The following KLHL1 variants were observed in gnomAD, a reference collection of about 807,000 sequenced individuals.
KLHL1 encodes kelch-like protein 1.
KLHL1 carries 47 observed loss-of-function variants against 77.7 expected under a neutral mutation model. The observed-to-expected ratio is 0.60, with a 90% CI of 0.48 to 0.77. The LOEUF (loss-of-function observed/expected upper bound fraction) is 0.77, where lower values mean the gene tolerates loss of function less well. Ranked by LOEUF, KLHL1 falls within the 30% of genes least tolerant of loss-of-function variation. The probability of loss-of-function intolerance (pLI) is 0.00; values close to 1 mark genes in which losing one functional copy is unlikely to be tolerated. For synonymous variants in KLHL1, 360 were observed against 325.2 expected (o/e 1.11, Z -1.15); for missense variants, 925 against 910.8 (o/e 1.02, Z -0.20).
chr13:70,055,777 C>T (rs1176672356), intron 1 of KLHL1, among the ~76,000 whole-genome samples: 2 of 151,782 alleles, frequency 1.3e-5, no homozygotes, highest in Non-Finnish European at 2.9e-5. Flanking sequence ...ATTTTGTTTG[C>T]AAGTCACATT....
intron 4 of KLHL1, among the ~76,000 whole-genome samples, chr13:69,903,929 C>T (rs1019935279): frequency 2.6e-5 from 4 of 151,570 alleles, no homozygotes; most frequent in East Asian, 1.9e-4. Flanking sequence ...CGTGAGCCAC[C>T]GCGCCCGGCC....
intron 5 of KLHL1, among the ~76,000 whole-genome samples, chr13:69,878,537 TC>T (rs1356924582): frequency 6.6e-6 from 1 of 152,134 alleles, no homozygotes; most frequent in Non-Finnish European, 1.5e-5. Context: ...GACTCTTGCC[TC>T]CTTTAAATAT....
intron 7 of KLHL1, among the ~76,000 whole-genome samples, chr13:69,775,155 A>G (rs1326292082): frequency 2.6e-5 from 4 of 152,170 alleles, no homozygotes. Flanking sequence ...TACAGGCAGG[A>G]CTAAGTGCCT....
At chr13:69,930,301 T>C (rs1294681130) in intron 4 of KLHL1, among the ~76,000 whole-genome samples, 1 of 151,884 alleles carries the variant, frequency 6.6e-6, no homozygotes, top group Admixed American at 6.6e-5. Flanking sequence ...TTCATCAAGG[T>C]ATTTTTTATT....
rs568616527 is a variant in KLHL1 at position 70,058,486 on chromosome 13, A to C, written c.497+48717T>G. On this transcript the variant is annotated intron_variant, in intron 1 of 10. Coordinates refer to ENST00000377844, the MANE Select transcript of KLHL1 (RefSeq NM_020866.3). ...TACTAATCCCACATATAGTAGCCAC[A>C]AATAAAATACTTATGAATAAACTTA... Among the ~76,000 whole-genome samples, 3 of 152,344 alleles carry C rather than the reference A, an allele frequency of 2.0e-5. No individual in the cohort carries two copies. The South Asian group carries it at 6.2e-4, about 32-fold the overall frequency.
intron 1 of KLHL1, among the ~76,000 whole-genome samples, chr13:70,059,044 A>T (rs564312016): frequency 6.6e-6 from 1 of 152,304 alleles, no homozygotes; most frequent in African/African-American, 2.4e-5. Context: ...ATCTCTCACC[A>T]TATATTAAAA....
intron 1 of KLHL1, among the ~76,000 whole-genome samples, chr13:70,102,148 T>C (rs1265103508): frequency 6.6e-6 from 1 of 152,116 alleles, no homozygotes; most frequent in Non-Finnish European, 1.5e-5. Context: ...GCAGAGATGA[T>C]TATTGTTTTA....
At chr13:69,721,785 G>C (rs184983443) in intron 8 of KLHL1, among the ~76,000 whole-genome samples, 1 of 151,986 alleles carries the variant, frequency 6.6e-6, no homozygotes, top group East Asian at 1.9e-4. Context: ...CCCTTGATGC[G>C]TGTAATACCT....
intron 5 of KLHL1, among the ~76,000 whole-genome samples, chr13:69,877,979 G>A (rs1396319100): frequency 6.6e-6 from 1 of 152,144 alleles, no homozygotes; most frequent in Non-Finnish European, 1.5e-5. Flanking sequence ...ACATGGGAGG[G>A]CAGAAATGAT....
chr13:69,744,937 C>A (rs1243383185), intron 7 of KLHL1, among the ~76,000 whole-genome samples: 2 of 151,956 alleles, frequency 1.3e-5, no homozygotes, highest in Non-Finnish European at 2.9e-5. Context: ...GCAATGTACA[C>A]TTTCTTGATG....
intron 4 of KLHL1, among the ~76,000 whole-genome samples, chr13:69,924,623 C>T (rs988529105): frequency 3.9e-5 from 6 of 152,250 alleles, no homozygotes; most frequent in East Asian, 1.9e-4. Context: ...TTCCTGGGCA[C>T]GGGACAAGAA....
intron 9 of KLHL1, among the ~76,000 whole-genome samples, chr13:69,712,595 T>C (rs1875927965): frequency 6.6e-6 from 1 of 152,092 alleles, no homozygotes; most frequent in Non-Finnish European, 1.5e-5. Flanking sequence ...ATAATAAGCC[T>C]TTATATATAG....
intron 3 of KLHL1, among the ~76,000 whole-genome samples, chr13:69,959,557 T>TAAA (rs35521937): frequency 6.9e-6 from 1 of 144,958 alleles, no homozygotes. Context: ...GACTACTCAT[T>TAAA]AAAAAAAAAA....
At chr13:70,067,548 A>T (rs1482337056) in intron 1 of KLHL1, among the ~76,000 whole-genome samples, 1 of 152,138 alleles carries the variant, frequency 6.6e-6, no homozygotes, top group Non-Finnish European at 1.5e-5. Context: ...GGTTCAAATA[A>T]GGCAGATCAT....
chr13:69,703,601 CTG>C (rs1875497736), intron 10 of KLHL1, among the ~76,000 whole-genome samples: 1 of 151,566 alleles, frequency 6.6e-6, no homozygotes, highest in African/African-American at 2.4e-5. Flanking sequence ...ACTCATGACT[CTG>C]TCACTGACTC....
At chr13:69,963,912 C>T (rs9317849) in intron 2 of KLHL1, among the ~76,000 whole-genome samples, 93,938 of 151,792 alleles carry the variant, frequency 0.62, 29,143 homozygotes, top group South Asian at 0.65. Flanking sequence ...TATCTGAAGA[C>T]TTATTTAGTT....
chr13:69,957,535 G>A (rs1883930433), intron 3 of KLHL1, among the ~76,000 whole-genome samples: 1 of 151,626 alleles, frequency 6.6e-6, no homozygotes, highest in African/African-American at 2.4e-5. Flanking sequence ...AAGGAGCATC[G>A]ACATATATAG....
intron 1 of KLHL1, among the ~76,000 whole-genome samples, chr13:70,056,692 T>G (rs1175250909): frequency 2.0e-5 from 3 of 152,002 alleles, no homozygotes; most frequent in Non-Finnish European, 4.4e-5. Flanking sequence ...TACAAACACA[T>G]GGAAATTAAA....
intron 4 of KLHL1, among the ~76,000 whole-genome samples, chr13:69,893,091 C>A (rs1373704348): frequency 6.6e-6 from 1 of 151,454 alleles, no homozygotes; most frequent in Non-Finnish European, 1.5e-5. Context: ...TAATAATTGT[C>A]AAAGAAATTC....
Sources: allele counts gnomAD v4.1 joint callset (sites outside exome capture counted in the v4.1 genomes callset), GRCh38; gene constraint gnomAD v4.1.1; transcripts MANE v1.5; gene names NCBI Gene and HGNC (gene_info 2026-07-23, HGNC 2026-07-21).